Variants in BDH1 observed in about 807,000 individuals in gnomAD.
BDH1 encodes the protein D-beta-hydroxybutyrate dehydrogenase, mitochondrial.
BDH1 carries 30 observed loss-of-function variants against 33.1 expected under a neutral mutation model. The ratio of observed to expected loss-of-function variants is 0.91; its 90% CI spans 0.68 to 1.23. The LOEUF (loss-of-function observed/expected upper bound fraction) is 1.23. BDH1 is among the 50% of genes most tolerant of loss of function. The pLI, the probability that BDH1 is intolerant of heterozygous loss-of-function variation, is 0.00. For synonymous variants in BDH1, 190 were observed against 183.6 expected (o/e 1.03, Z -0.28); for missense variants, 443 against 464.4 (o/e 0.95, Z 0.42).
intron 2 of BDH1, among the ~76,000 whole-genome samples, chr3:197,553,260 G>T (rs111291136): frequency 0.05 from 7,529 of 150,508 alleles, 616 homozygotes; most frequent in African/African-American, 0.17. Flanking sequence ...GCTGGGTGTG[G>T]TGGCTCACGC....
chr3:197,535,251 T>A (rs1715043924), intron 3 of BDH1, among the ~76,000 whole-genome samples: 1 of 152,226 alleles, frequency 6.6e-6, no homozygotes, highest in South Asian at 2.1e-4. Flanking sequence ...GCCCATATTC[T>A]ATTGAATCGT....
At position 197,512,479 on chromosome 3, in the gene BDH1, C is replaced by G. The variant is rs776226119; in HGVS notation, c.563-115G>C. 5 of 1,136,774 alleles carry G rather than the reference C, an allele frequency of 4.4e-6. No individual in the cohort carries two copies. In the East Asian group the frequency reaches 1.0e-4, roughly 23 times the overall value. 70.4% of individuals were successfully genotyped at this position (1,136,774 alleles called of 1,614,324 possible). A position where few individuals can be genotyped will look rare whatever the true frequency, so the allele number is the denominator to read the frequency against. On this transcript the variant is annotated intron_variant, in intron 7 of 7. Transcript: ENST00000392379. The stretch of plus-strand genomic sequence containing the variant: ...GAACCACTTCTGAGCCACCCAGGAG[C>G]CTTCTCAGTCAATAGGCAAGGCCAG...
intron 1 of BDH1, among the ~76,000 whole-genome samples, chr3:197,564,608 A>G (rs1717373011): frequency 6.6e-6 from 1 of 152,234 alleles, no homozygotes; most frequent in Admixed American, 6.5e-5. Flanking sequence ...CACAGGGCCA[A>G]AAATTCAAGT....
rs533260870 is a variant in BDH1 at position 197,527,422 on chromosome 3, T to A, written c.268-4641A>T. Reference sequence around the variant, plus strand: ...CTGGGTCAGAGGCACTCATGGACCTTCCTGGTCTGGTCCTGCCTTCTTTTC... The same window carrying A: ...CTGGGTCAGAGGCACTCATGGACCTACCTGGTCTGGTCCTGCCTTCTTTTC... On this transcript the variant is annotated intron_variant, in intron 5 of 7. Coordinates refer to ENST00000392379, the MANE Select transcript of BDH1 (RefSeq NM_203314.3). Among the ~76,000 whole-genome samples the A allele has an allele frequency of 2.6e-5, 4 of 152,292 alleles. No homozygotes were observed. The East Asian group carries it at 7.7e-4, about 29-fold the overall frequency.
intron 3 of BDH1, 75 bp downstream of exon 3, chr3:197,546,286 C>T (rs1420597482): frequency 2.1e-6 from 3 of 1,440,052 alleles, no homozygotes; most frequent in East Asian, 4.5e-5. Flanking sequence ...TCACCGCCTA[C>T]ACTGTCCATG....
chr3:197,540,073 C>T (rs942705020), intron 3 of BDH1, among the ~76,000 whole-genome samples: 3 of 151,902 alleles, frequency 2.0e-5, no homozygotes, highest in Admixed American at 1.3e-4. Context: ...TTTTTTTAGA[C>T]AGCGTCTCTC....
intron 2 of BDH1, among the ~76,000 whole-genome samples, chr3:197,548,807 C>A (rs11920698): frequency 3.3e-5 from 5 of 151,720 alleles, no homozygotes; most frequent in Non-Finnish European, 5.9e-5. Context: ...GCTGAGATCA[C>A]GCCACTGCAC....
rs548372223 is a variant in BDH1, at chr3:197,543,251, A to G, written c.83+3110T>C. 4.4e-6 allele frequency: 4 copies of G among 908,846 alleles called. No homozygotes were observed. In the Admixed American group the frequency reaches 1.9e-4, roughly 42 times the overall value. 56.3% of individuals were successfully genotyped at this position (908,846 alleles called of 1,614,324 possible). Reference sequence around the variant, plus strand: ...ATGGCCTCACGGCAGCATCTGTGAAAAAAATTTAGCCTGTTTGACCATGAA... The same window carrying G: ...ATGGCCTCACGGCAGCATCTGTGAAGAAAATTTAGCCTGTTTGACCATGAA... On this transcript the variant is annotated intron_variant, in intron 3 of 7. Transcript: ENST00000392379.
rs149084725 is a variant in BDH1, at chr3:197,514,789, C to T, written c.410-373G>A. On this transcript the variant is annotated intron_variant, in intron 6 of 7. Coordinates refer to ENST00000392379, the MANE Select transcript of BDH1 (RefSeq NM_203314.3). This position sits in a 1 kb window ranked among gnomAD's most constrained non-coding sequence, Gnocchi z 4.2. ...CACCCTGAGTTTGAGTTTCACGCCCCGTTCCTGTTTACTCATCTCTGCCCT... is the reference window on the plus strand; with the variant it reads ...CACCCTGAGTTTGAGTTTCACGCCCTGTTCCTGTTTACTCATCTCTGCCCT... Among the ~76,000 whole-genome samples, 7 of 152,334 alleles carry T rather than the reference C, an allele frequency of 4.6e-5. No homozygotes were observed. Among genetic ancestry groups the T allele is most frequent in the African/African-American group, 1.4e-4 (6 of 41,578 alleles).
intron 3 of BDH1, among the ~76,000 whole-genome samples, chr3:197,542,351 C>T (rs989916026): frequency 4.6e-5 from 7 of 152,140 alleles, no homozygotes; most frequent in African/African-American, 1.4e-4. Flanking sequence ...AAAACCAGCA[C>T]ATAAAATAGT....
intron 3 of BDH1, among the ~76,000 whole-genome samples, chr3:197,535,012 CAT>C (rs959902922): frequency 4.3e-4 from 66 of 152,290 alleles, no homozygotes; most frequent in South Asian, 1.0e-3. Context: ...CCACTTTCTT[CAT>C]AGACAGATGT....
chr3:197,558,695 C>A (rs925147707), upstream of BDH1, among the ~76,000 whole-genome samples: 7 of 152,216 alleles, frequency 4.6e-5, no homozygotes, highest in African/African-American at 1.7e-4. Context: ...TCAGACCCCG[C>A]ATGGGAGCTA....
In BDH1 at chr3:197,522,735, T is replaced by C. The variant is rs1579900511; in HGVS notation, c.314A>G (p.Asp105Gly). ...GVKELDSLNS[D>G]RLRTVQLNVC... The stretch of plus-strand genomic sequence containing the variant: ...ATTGAGCTGGACGGTTCTCAATCGG[T>C]CACTGTTTAGGCTGTCCAGCTCCTT... The change falls in exon 6 of 8, where the codon GAC (aspartate) becomes GGC (glycine). Residue 105 changes from aspartate (D) to glycine (G), a missense_variant. Physicochemically the swap from Asp to Gly is moderately conservative, Grantham distance 94. Coordinates refer to ENST00000392379, the MANE Select transcript of BDH1 (RefSeq NM_203314.3). This position sits in a 1 kb window ranked among gnomAD's most constrained non-coding sequence, Gnocchi z 4.8. 3 of 1,614,136 alleles carry C rather than the reference T, an allele frequency of 1.9e-6. No individual in the cohort carries two copies. In the East Asian group the frequency reaches 6.7e-5, roughly 36 times the overall value.
chr3:197,552,016 C>T (rs1001044711), intron 2 of BDH1, among the ~76,000 whole-genome samples: 6 of 152,218 alleles, frequency 3.9e-5, no homozygotes, highest in Admixed American at 3.3e-4. Flanking sequence ...CACATGCCGC[C>T]AACTCCCGAA....
chr3:197,546,289 T>C lies in BDH1; in HGVS notation c.83+72A>G, dbSNP rs560052700. 80 of 1,452,764 alleles carry C rather than the reference T, an allele frequency of 5.5e-5. 1 individual carries two copies. The highest frequency in any genetic ancestry group is 7.2e-5 in the Non-Finnish European group (75 of 1,035,942). The allele number at this position is 1,452,764 out of a possible 1,614,324, so 90.0% of individuals were successfully genotyped here. A position where few individuals can be genotyped will look rare whatever the true frequency, so the allele number is the denominator to read the frequency against. Reference sequence around the variant, plus strand: ...AATCAGGCCTCATCACCGCCTACACTGTCCATGTGTGAAAACCTCTGCCTG... The same window carrying C: ...AATCAGGCCTCATCACCGCCTACACCGTCCATGTGTGAAAACCTCTGCCTG... On this transcript the variant is annotated intron_variant, in intron 3 of 7. Coordinates refer to ENST00000392379, the MANE Select transcript of BDH1 (RefSeq NM_203314.3).
intron 6 of BDH1, chr3:197,515,636 A>G (rs1403263256): frequency 6.2e-5 from 61 of 985,546 alleles, no homozygotes; most frequent in Non-Finnish European, 7.2e-5. Context: ...TGTGTGTTAG[A>G]TGAATGAGTG....
chr3:197,558,820 C>A (rs1024245971), upstream of BDH1, among the ~76,000 whole-genome samples: 1 of 152,126 alleles, frequency 6.6e-6, no homozygotes, highest in South Asian at 2.1e-4. Flanking sequence ...GTTTTTGAAG[C>A]CTTGTCTCAC....
At chr3:197,524,863 G>A (rs561820705) in intron 5 of BDH1, among the ~76,000 whole-genome samples, 8 of 152,188 alleles carry the variant, frequency 5.3e-5, no homozygotes, top group South Asian at 4.2e-4. Context: ...CTGGACTGTC[G>A]TCTTCACCGC....
At chr3:197,564,611 A>T (rs1717373139) in intron 1 of BDH1, among the ~76,000 whole-genome samples, 1 of 152,222 alleles carries the variant, frequency 6.6e-6, no homozygotes, top group Admixed American at 6.5e-5. Flanking sequence ...AGGGCCAAAA[A>T]TTCAAGTCAT....
Sources: gnomAD v4.1 joint callset for allele counts (sites outside exome capture counted in the v4.1 genomes callset) on GRCh38, gnomAD v4.1.1 for gene constraint, Gnocchi (gnomAD v3.1) non-coding constraint, MANE v1.5 for transcripts, NCBI Gene and HGNC (gene_info 2026-07-23, HGNC 2026-07-21) for gene names.